DPY19L1: variants seen among roughly 807,000 people sequenced by gnomAD.
DPY19L1 encodes dpy-19 like C-mannosyltransferase 1.
A neutral mutation model predicts 96.9 loss-of-function variants in DPY19L1; 35 were observed. The ratio of observed to expected loss-of-function variants is 0.36; its 90% CI spans 0.28 to 0.48. DPY19L1 has a LOEUF of 0.48. Among genes scored for constraint, DPY19L1 ranks in the 20% least tolerant of loss-of-function variants. The pLI is 0.99. For synonymous variants in DPY19L1, 205 were observed against 252.6 expected (o/e 0.81, Z 1.79); for missense variants, 521 against 777.9 (o/e 0.67, Z 3.93).
intron 1 of DPY19L1, among the ~76,000 whole-genome samples, chr7:35,018,962 G>A (rs1211153055): frequency 6.6e-6 from 1 of 151,872 alleles, no homozygotes; most frequent in African/African-American, 2.4e-5. Context: ...GATTGGGGGT[G>A]GAAGAAAAAA....
In DPY19L1 at chr7:34,958,133, T is replaced by C. The variant is rs1784418464; in HGVS notation, c.1093-63A>G. 11 of 1,127,988 alleles carry C rather than the reference T, an allele frequency of 9.8e-6. No individual in the cohort carries two copies. In the South Asian group the frequency reaches 1.1e-4, roughly 11 times the overall value. The allele number at this position is 1,127,988 out of a possible 1,614,324, so 69.9% of individuals were successfully genotyped here. ...TAAAACAAAAAACCTTTGTTTTTTA[T>C]TGTGAAAACTGCACATGCCCATAAT... is the stretch of plus-strand genomic sequence containing the variant. On this transcript the variant is annotated intron_variant, in intron 10 of 21. Coordinates refer to ENST00000638088, the MANE Select transcript of DPY19L1 (RefSeq NM_001366673.1).
chr7:34,973,060 C>A (rs12701403), intron 8 of DPY19L1, among the ~76,000 whole-genome samples: 50,133 of 151,660 alleles, frequency 0.33, 8,899 homozygotes, highest in African/African-American at 0.46. Flanking sequence ...ATTTGGTTTC[C>A]TTTTTACCCT....
Position 35,017,659 on chromosome 7 carries a change from G to A in DPY19L1, c.411+223C>T, listed in dbSNP as rs192306802. ...TGCACTCCAGCCTGGGCGACAGAGC[G>A]AGACTCCGTCTCGAAAAAAAAATTA... On this transcript the variant is annotated intron_variant, in intron 3 of 21. Coordinates refer to ENST00000638088, the MANE Select transcript of DPY19L1 (RefSeq NM_001366673.1). 4.1e-3 allele frequency among the ~76,000 whole-genome samples: 620 copies of A among 151,672 alleles called. 33 individuals carry two copies. In the South Asian group the frequency reaches 0.1, roughly 26 times the overall value.
intron 15 of DPY19L1, among the ~76,000 whole-genome samples, chr7:34,946,204 A>G (rs1784141089): frequency 1.3e-5 from 2 of 152,196 alleles, no homozygotes; most frequent in African/African-American, 2.4e-5. Context: ...GAGGTCATCT[A>G]ATCTAAAATC....
rs1444109397 is a variant in DPY19L1, at chr7:35,018,601, A to AATT, written c.299-6_299-5insAAT. On this transcript the variant is annotated splice_region_variant and splice_polypyrimidine_tract_variant and intron_variant, in intron 1 of 21. Coordinates refer to ENST00000638088, the MANE Select transcript of DPY19L1 (RefSeq NM_001366673.1). Reference sequence around the variant, plus strand: ...GCAACACTGCTGCAAAAACAGCTGTAAGAAAAAAGAAATTTAAATTAGAAT... The same window carrying AATT: ...GCAACACTGCTGCAAAAACAGCTGTAATTAGAAAAAAGAAATTTAAATTAGAAT... 24 of 1,608,090 alleles carry AATT rather than the reference A, an allele frequency of 1.5e-5. No homozygotes were observed.
chr7:35,001,386 T>A (rs1181539079), intron 6 of DPY19L1, among the ~76,000 whole-genome samples: 3 of 152,224 alleles, frequency 2.0e-5, no homozygotes, highest in African/African-American at 7.2e-5. Flanking sequence ...ATTTATTCAA[T>A]CAAAAAATAT....
chr7:34,957,228 C>T (rs1214775353), intron 11 of DPY19L1, among the ~76,000 whole-genome samples: 1 of 151,556 alleles, frequency 6.6e-6, no homozygotes, highest in African/African-American at 2.4e-5. Flanking sequence ...ACTAAAAATA[C>T]AAAACTAGCC....
chr7:34,968,452 T>C (rs1169198807), intron 9 of DPY19L1, among the ~76,000 whole-genome samples: 1 of 152,156 alleles, frequency 6.6e-6, no homozygotes, highest in Non-Finnish European at 1.5e-5. Context: ...TCTAACTTCA[T>C]TTCCCAAGCA....
chr7:35,001,886 G>A lies in DPY19L1; in HGVS notation c.764+8582C>T, dbSNP rs1451517473. Among the ~76,000 whole-genome samples, 5 of 152,216 alleles carry A rather than the reference G, an allele frequency of 3.3e-5. No individual in the cohort carries two copies. The East Asian group carries it at 7.7e-4, about 23-fold the overall frequency. Reference sequence around the variant, plus strand: ...CATACCTGTAATCCCAGCACTTTGGGAGGCTGAGGCGGGCGGATCACCAGG... The same window carrying A: ...CATACCTGTAATCCCAGCACTTTGGAAGGCTGAGGCGGGCGGATCACCAGG... On this transcript the variant is annotated intron_variant, in intron 6 of 21. Coordinates refer to ENST00000638088, the MANE Select transcript of DPY19L1 (RefSeq NM_001366673.1).
intron 21 of DPY19L1, among the ~76,000 whole-genome samples, chr7:34,933,327 T>C (rs1783797471): frequency 6.6e-6 from 1 of 152,252 alleles, no homozygotes; most frequent in Admixed American, 6.5e-5. Context: ...TCCGTACCAT[T>C]ATTATGCTTC....
intron 16 of DPY19L1, among the ~76,000 whole-genome samples, chr7:34,943,663 G>C (rs1289727205): frequency 1.3e-5 from 2 of 152,146 alleles, no homozygotes; most frequent in African/African-American, 4.8e-5. Flanking sequence ...AAAGAGCTCT[G>C]ATCCTATTTG....
intron 6 of DPY19L1, among the ~76,000 whole-genome samples, chr7:35,001,597 A>C (rs1486384965): frequency 6.6e-6 from 1 of 152,152 alleles, no homozygotes. Flanking sequence ...GACCTCTGTT[A>C]CTTTATATTT....
rs868810443 is a variant in DPY19L1, at chr7:34,959,733, A to G, written c.1093-1663T>C. Among the ~76,000 whole-genome samples the G allele has an allele frequency of 5.3e-5, 8 of 151,218 alleles. No homozygotes were observed. In the South Asian group the frequency reaches 1.7e-3, roughly 32 times the overall value. On this transcript the variant is annotated intron_variant, in intron 10 of 21. Coordinates refer to ENST00000638088, the MANE Select transcript of DPY19L1 (RefSeq NM_001366673.1). ...CTGTTGGGGGCTGGGGGGCTAGGGG[A>G]GGGATAGCATTAGGAGAAATACCTA... is the stretch of plus-strand genomic sequence containing the variant.
At chr7:34,955,396 A>G (rs771295420) in intron 11 of DPY19L1, 29 bp from the exon 12 acceptor site, 13 of 1,595,884 alleles carry the variant, frequency 8.1e-6, no homozygotes, top group Admixed American at 1.8e-5. Context: ...CATAGTATAC[A>G]CAGTTAATAC....
At chr7:34,976,361 A>G (rs1784830048) in intron 7 of DPY19L1, among the ~76,000 whole-genome samples, 1 of 152,204 alleles carries the variant, frequency 6.6e-6, no homozygotes, top group Non-Finnish European at 1.5e-5. Context: ...GATGTGACTG[A>G]ACTGCTGTAA....
upstream of DPY19L1, chr7:35,037,621 G>C (rs1786467029): frequency 4.5e-6 from 1 of 221,258 alleles, no homozygotes; most frequent in African/African-American, 2.3e-5. Context: ...TTGCTAGCCC[G>C]CCGCCGTTGC....
At chr7:34,987,679 T>C (rs1451111889) in intron 7 of DPY19L1, among the ~76,000 whole-genome samples, 3 of 152,046 alleles carry the variant, frequency 2.0e-5, no homozygotes, top group African/African-American at 7.2e-5. Flanking sequence ...CAGTGAGCAA[T>C]GCTCTACAAA....
In DPY19L1 at chr7:34,989,869, T is replaced by C. The variant is rs771300255; in HGVS notation, c.822+15A>G. On this transcript the variant is annotated intron_variant, in intron 7 of 21. Transcript: ENST00000638088. ...TTTCCAGAAGTAATTCTGAGAATAG[T>C]TTTTGATTACCTACCTCTCCATGAT... The C allele has an allele frequency of 2.5e-6, 4 of 1,576,134 alleles. No individual in the cohort carries two copies. The highest frequency in any genetic ancestry group is 3.4e-6 in the Non-Finnish European group (4 of 1,165,798).
At chr7:34,982,421 G>A (rs1240551825) in intron 7 of DPY19L1, among the ~76,000 whole-genome samples, 1 of 152,196 alleles carries the variant, frequency 6.6e-6, no homozygotes, top group African/African-American at 2.4e-5. Context: ...GACAGCAAAT[G>A]TGTCAAAATA....
Sources: gnomAD v4.1 joint callset for allele counts (sites outside exome capture counted in the v4.1 genomes callset) on GRCh38, gnomAD v4.1.1 for gene constraint, MANE v1.5 for transcripts, NCBI Gene and HGNC (gene_info 2026-07-23, HGNC 2026-07-21) for gene names.